Variants in CTDP1 observed in about 807,000 individuals in gnomAD.
CTDP1 encodes the protein CTD phosphatase 1.
A neutral mutation model predicts 91.8 loss-of-function variants in CTDP1; 47 were observed. The ratio of observed to expected loss-of-function variants is 0.51; its 90% CI spans 0.41 to 0.65. CTDP1 has a LOEUF of 0.65. Among genes scored for constraint, CTDP1 ranks in the 30% least tolerant of loss-of-function variants. The pLI is 0.00. For missense variants in CTDP1, 1,272 were observed against 1,373.7 expected (o/e 0.93, Z 1.17); for synonymous variants, 656 against 598.5 (o/e 1.10, Z -1.40).
At chr18:79,711,393 C>T (rs1471096664) in intron 6 of CTDP1, among the ~76,000 whole-genome samples, 1 of 152,136 alleles carries the variant, frequency 6.6e-6, no homozygotes, top group Non-Finnish European at 1.5e-5. Context: ...CCTTTTGCCT[C>T]TGAGTATCCA....
At chr18:79,731,214 A>G (rs1174193622) in intron 11 of CTDP1, among the ~76,000 whole-genome samples, 1 of 152,152 alleles carries the variant, frequency 6.6e-6, no homozygotes, top group South Asian at 2.1e-4. Flanking sequence ...AGGATCTGGA[A>G]CCAGGGTCAA....
At position 79,742,321 on chromosome 18, in the gene CTDP1, C is replaced by G. The variant is rs539158886; in HGVS notation, c.2747+5800C>G. Among the ~76,000 whole-genome samples the G allele has an allele frequency of 8.6e-5, 13 of 151,456 alleles. No individual in the cohort carries two copies. In the East Asian group the frequency reaches 2.5e-3, roughly 30 times the overall value. ...TGAGGGCAGCAGAGGAGGCATGAGG[C>G]GTCCATGGGAGAGAGGCCTGAGGGT... is the stretch of plus-strand genomic sequence containing the variant. On this transcript the variant is annotated intron_variant, in intron 12 of 12. Transcript: ENST00000613122.
At chr18:79,718,631 G>A (rs541247531) in intron 10 of CTDP1, among the ~76,000 whole-genome samples, 27 of 152,308 alleles carry the variant, frequency 1.8e-4, no homozygotes, top group African/African-American at 6.0e-4. Context: ...GCGTGGACCC[G>A]AGATCAGCCC....
At chr18:79,729,109 G>C (rs374052888) in intron 11 of CTDP1, 40 bp downstream of exon 11, 2 of 1,610,928 alleles carry the variant, frequency 1.2e-6, no homozygotes, top group Admixed American at 3.3e-5. Context: ...GCCAGCGCTC[G>C]TGCTGGGGCC....
intron 12 of CTDP1, among the ~76,000 whole-genome samples, chr18:79,739,493 G>T (rs541261690): frequency 6.6e-6 from 1 of 152,054 alleles, no homozygotes; most frequent in South Asian, 2.1e-4. Context: ...AACCACGCAA[G>T]CACGGAACTG....
intron 4 of CTDP1, among the ~76,000 whole-genome samples, chr18:79,702,073 G>T (rs534087162): frequency 4.6e-5 from 7 of 152,322 alleles, no homozygotes; most frequent in African/African-American, 1.7e-4. Flanking sequence ...CCAGCGGCAG[G>T]GTCTACGAGG....
intron 2 of CTDP1, among the ~76,000 whole-genome samples, chr18:79,695,756 A>G (rs1417648327): frequency 6.6e-6 from 1 of 152,144 alleles, no homozygotes; most frequent in African/African-American, 2.4e-5. Flanking sequence ...ATGAAGGACT[A>G]TGGCTCTGTG....
intron 4 of CTDP1, among the ~76,000 whole-genome samples, chr18:79,699,498 T>C (rs549366233): frequency 1.3e-5 from 2 of 152,104 alleles, no homozygotes; most frequent in Admixed American, 1.3e-4. Flanking sequence ...CTCCTGACTT[T>C]GTGATCCGCC....
chr18:79,680,404 C>T (rs991707028), intron 1 of CTDP1, 143 bp downstream of exon 1: 1 of 622,818 alleles, frequency 1.6e-6, no homozygotes, highest in Non-Finnish European at 2.3e-6. Flanking sequence ...CTGCGCTTCT[C>T]CCCTAAAACT....
rs2086115875 is a variant in CTDP1, at chr18:79,713,088, G to A, written c.980G>A (p.Gly327Asp). Residue 327 changes from glycine to aspartate, a missense_variant, in exon 7 of 13, where the codon GGT becomes GAT. Coordinates refer to ENST00000613122, the MANE Select transcript of CTDP1 (RefSeq NM_004715.5). The surrounding 1 kb of genome is among the most constrained non-coding windows in gnomAD (Gnocchi z 4.7). The part of the protein sequence containing the change: ...VKKYVYFQGT[G>D]DMNAPPGSRE... Reference sequence around the variant, plus strand: ...AAATATGTATACTTCCAGGGCACGGGTGATATGAATGCGCCCCCTGGGTCC... The same window carrying A: ...AAATATGTATACTTCCAGGGCACGGATGATATGAATGCGCCCCCTGGGTCC... 1 of 1,614,136 alleles carries A rather than the reference G, an allele frequency of 6.2e-7. No individual in the cohort carries two copies. Among genetic ancestry groups the A allele is most frequent in the Non-Finnish European group, 8.5e-7 (1 of 1,180,044 alleles).
Position 79,734,511 on chromosome 18 carries a change from C to T in CTDP1, c.2581-1844C>T, listed in dbSNP as rs190607538. ...CCTCCAGATCTTCCAGATAGCAGCA[C>T]GGGGGCACGTGCCGGGCTGCCCTGC... On this transcript the variant is annotated intron_variant, in intron 11 of 12. Transcript: ENST00000613122. Among the ~76,000 whole-genome samples, 72 of 152,086 alleles carry T rather than the reference C, an allele frequency of 4.7e-4. No homozygotes were observed. The East Asian group carries it at 0.014, about 29-fold the overall frequency.
chr18:79,706,096 G>T (rs1333715716), intron 5 of CTDP1, among the ~76,000 whole-genome samples: 1 of 152,206 alleles, frequency 6.6e-6, no homozygotes, highest in African/African-American at 2.4e-5. Flanking sequence ...GTGAGGTCCT[G>T]TGGACTCCAT....
chr18:79,708,306 C>T (rs1337603290), intron 5 of CTDP1, among the ~76,000 whole-genome samples: 1 of 152,212 alleles, frequency 6.6e-6, no homozygotes, highest in East Asian at 1.9e-4. Flanking sequence ...TATGTTTTAA[C>T]CTGTATCAAA....
At position 79,695,326 on chromosome 18, in the gene CTDP1, T is replaced by C; in HGVS notation, c.398+18T>C. The C allele has an allele frequency of 6.2e-7, 1 of 1,610,834 alleles. No individual in the cohort carries two copies. The highest frequency in any genetic ancestry group is 1.3e-5 in the African/African-American group (1 of 74,712). On this transcript the variant is annotated intron_variant, in intron 2 of 12. Coordinates refer to ENST00000613122, the MANE Select transcript of CTDP1 (RefSeq NM_004715.5). Reference sequence around the variant, plus strand: ...CTCACCCAGTAAGTATCCGGAAGAGTGAGATCGCTGCCTGCTGGGGCTCGA... The same window carrying C: ...CTCACCCAGTAAGTATCCGGAAGAGCGAGATCGCTGCCTGCTGGGGCTCGA...
rs1337693768 is a variant in CTDP1, at chr18:79,736,346, G to T, written c.2581-9G>T. On this transcript the variant is annotated splice_polypyrimidine_tract_variant and intron_variant, in intron 11 of 12. Coordinates refer to ENST00000613122, the MANE Select transcript of CTDP1 (RefSeq NM_004715.5). ...GGAGGTCTGTCGCTGACTCTTGGCT[G>T]TTTGTCAGGTGGACGACATCCTTGG... The T allele has an allele frequency of 6.5e-7, 1 of 1,549,116 alleles. No individual in the cohort carries two copies. Among genetic ancestry groups the T allele is most frequent in the Non-Finnish European group, 8.7e-7 (1 of 1,146,980 alleles).
chr18:79,751,451 G>A (rs1392429079), intron 12 of CTDP1, among the ~76,000 whole-genome samples: 1 of 152,146 alleles, frequency 6.6e-6, no homozygotes, highest in Non-Finnish European at 1.5e-5. Context: ...CTCTCATGCG[G>A]TATTTCCTGG....
intron 12 of CTDP1, among the ~76,000 whole-genome samples, chr18:79,751,690 G>A (rs1025918255): frequency 5.3e-5 from 8 of 151,852 alleles, no homozygotes; most frequent in African/African-American, 1.9e-4. Flanking sequence ...TGTTACATGC[G>A]TGCTGTGTGT....
At chr18:79,752,160 G>C (rs970658499) in intron 12 of CTDP1, among the ~76,000 whole-genome samples, 1 of 152,258 alleles carries the variant, frequency 6.6e-6, no homozygotes, top group Non-Finnish European at 1.5e-5. Context: ...CAGAAACCAG[G>C]TGCACCTGCA....
chr18:79,755,729 G>A (rs1351111684), downstream of CTDP1: 1 of 152,314 alleles, frequency 6.6e-6, no homozygotes, highest in South Asian at 2.1e-4. Context: ...CTTCATGGGG[G>A]TGTTAATGAG....
Sources: gnomAD v4.1 joint callset for allele counts (sites outside exome capture counted in the v4.1 genomes callset) on GRCh38, gnomAD v4.1.1 for gene constraint, Gnocchi (gnomAD v3.1) non-coding constraint, MANE v1.5 for transcripts, NCBI Gene and HGNC (gene_info 2026-07-23, HGNC 2026-07-21) for gene names.